The following MOB3B variants were observed in gnomAD, a reference collection of about 807,000 sequenced individuals.
The protein encoded by MOB3B is MOB kinase activator 3B, also known as MOB kinase activator-like 2B.
In MOB3B, 7 loss-of-function variants were observed where a neutral mutation model predicts 18.7. The ratio of observed to expected loss-of-function variants is 0.37; its 90% CI spans 0.21 to 0.70. The LOEUF is 0.70. Among genes scored for constraint, MOB3B ranks in the 30% least tolerant of loss-of-function variants. MOB3B has a pLI of 0.52. For synonymous variants in MOB3B, 111 were observed against 99.9 expected, an observed-to-expected ratio of 1.11 and a Z score of -0.66; for missense variants, 253 against 281.3, an observed-to-expected ratio of 0.90 and a Z score of 0.72.
chr9:27,388,680 A>G (rs1037324479), intron 2 of MOB3B, among the ~76,000 whole-genome samples: 1 of 151,922 alleles, frequency 6.6e-6, no homozygotes, highest in Non-Finnish European at 1.5e-5. Context: ...GTCTTCGGAG[A>G]TGATTCTTCA....
At chr9:27,416,090 T>A (rs1324727496) in intron 2 of MOB3B, among the ~76,000 whole-genome samples, 1 of 152,252 alleles carries the variant, frequency 6.6e-6, no homozygotes, top group Non-Finnish European at 1.5e-5. Context: ...TTGGGGTTAA[T>A]ACAATTTCCT....
intron 2 of MOB3B, among the ~76,000 whole-genome samples, chr9:27,365,458 C>T (rs913613503): frequency 6.9e-6 from 1 of 145,112 alleles, no homozygotes; most frequent in East Asian, 2.1e-4. Context: ...GCAGTCCTAA[C>T]TGAAATAGAT....
chr9:27,423,873 A>C (rs1822291797), intron 2 of MOB3B, among the ~76,000 whole-genome samples: 1 of 152,260 alleles, frequency 6.6e-6, no homozygotes, highest in African/African-American at 2.4e-5. Context: ...AACATATATT[A>C]ACTCATTTAA....
chr9:27,335,721 C>T (rs1028476878), intron 3 of MOB3B, among the ~76,000 whole-genome samples: 10 of 152,162 alleles, frequency 6.6e-5, no homozygotes, highest in Admixed American at 2.6e-4. Flanking sequence ...CACCCTTTAA[C>T]GCTCTTGACC....
At chr9:27,493,571 G>T (rs1390343811) in intron 1 of MOB3B, among the ~76,000 whole-genome samples, 1 of 152,044 alleles carries the variant, frequency 6.6e-6, no homozygotes, top group Non-Finnish European at 1.5e-5. Flanking sequence ...AACCTGGGAG[G>T]TGAAGGTTGC....
intron 2 of MOB3B, among the ~76,000 whole-genome samples, chr9:27,382,322 G>A (rs1257481343): frequency 6.6e-6 from 1 of 152,086 alleles, no homozygotes; most frequent in African/African-American, 2.4e-5. Context: ...ATATCAGATC[G>A]ATTCTCTTTC....
chr9:27,522,242 CAA>C (rs1171362204), intron 1 of MOB3B, among the ~76,000 whole-genome samples: 217 of 56,028 alleles, frequency 3.9e-3, no homozygotes, highest in African/African-American at 0.012. Flanking sequence ...CCCCGTCTCA[CAA>C]AAAAAAAAAA....
rs141372110 is a variant in MOB3B at position 27,359,054 on chromosome 9, G to A, written c.601C>T (p.Arg201Cys). The change falls in exon 3 of 4, where the codon CGC (arginine) becomes TGC (cysteine). Residue 201 changes from arginine (R) to cysteine (C), a missense_variant. Coordinates refer to ENST00000262244, the MANE Select transcript of MOB3B (RefSeq NM_024761.5). ...CTTACCAAAGGCTCTAGCTCCTTGCGGTCTATGAGGTTCATCTCTGTGACA... is the reference window on the plus strand; with the variant it reads ...CTTACCAAAGGCTCTAGCTCCTTGCAGTCTATGAGGTTCATCTCTGTGACA... ...YFVTEMNLID[R>C]KELEPLKEMT... The A allele has an allele frequency of 3.3e-5, 54 of 1,613,944 alleles. No homozygotes were observed. Among genetic ancestry groups the A allele is most frequent in the Non-Finnish European group, 4.1e-5 (48 of 1,180,024 alleles).
chr9:27,527,113 G>A (rs1323004065), intron 1 of MOB3B, among the ~76,000 whole-genome samples: 1 of 152,150 alleles, frequency 6.6e-6, no homozygotes, highest in Non-Finnish European at 1.5e-5. Flanking sequence ...TTTTTGGGAA[G>A]ATTTTTAATT....
In MOB3B at chr9:27,328,585, C is replaced by G. The variant is rs1820743364; in HGVS notation, c.*2002G>C. 1 of 152,188 alleles carries G rather than the reference C, an allele frequency of 6.6e-6. No individual in the cohort carries two copies. Among genetic ancestry groups the G allele is most frequent in the South Asian group, 2.1e-4 (1 of 4,820 alleles). The allele number at this position is 152,188 out of a possible 1,614,324, so 9.4% of individuals were successfully genotyped here. A position where few individuals can be genotyped will look rare whatever the true frequency, so the allele number is the denominator to read the frequency against. On this transcript the variant is annotated 3_prime_UTR_variant, in exon 4 of 4. Coordinates refer to ENST00000262244, the MANE Select transcript of MOB3B (RefSeq NM_024761.5). ...AATAACAAAGGTCTCCAGATTCCAG[C>G]CTCCTGCTCGATTATGCACTGCTGA...
chr9:27,435,017 A>T (rs923877425), intron 2 of MOB3B, among the ~76,000 whole-genome samples: 6 of 152,092 alleles, frequency 3.9e-5, no homozygotes, highest in Non-Finnish European at 7.4e-5. Flanking sequence ...AGAAATGTAC[A>T]TCTAAAGGAA....
chr9:27,366,180 T>C (rs1184020115), intron 2 of MOB3B, among the ~76,000 whole-genome samples: 1 of 152,150 alleles, frequency 6.6e-6, no homozygotes, highest in Non-Finnish European at 1.5e-5. Context: ...GGAACCCGCA[T>C]CTGACAGAGC....
Position 27,325,844 on chromosome 9 carries a change from A to G in MOB3B, c.*4743T>C, listed in dbSNP as rs927471040. ...GGTACTCATGGAGTATGGAAGGGAC[A>G]TAAGGTTTAGAGAACATAGGAAGCA... On this transcript the variant is annotated 3_prime_UTR_variant, in exon 4 of 4. Transcript: ENST00000262244. 6.6e-6 allele frequency: 1 copy of G among 152,218 alleles called. No homozygotes were observed. The highest frequency in any genetic ancestry group is 2.4e-5 in the African/African-American group (1 of 41,460). 9.4% of individuals were successfully genotyped at this position (152,218 alleles called of 1,614,324 possible). A position where few individuals can be genotyped will look rare whatever the true frequency, so the allele number is the denominator to read the frequency against.
intron 2 of MOB3B, among the ~76,000 whole-genome samples, chr9:27,395,126 C>T (rs1374182376): frequency 6.6e-6 from 1 of 152,106 alleles, no homozygotes; most frequent in African/African-American, 2.4e-5. Context: ...GTCATTAAGT[C>T]GGGATGTCTT....
chr9:27,347,316 T>C (rs16911428), intron 3 of MOB3B, among the ~76,000 whole-genome samples: 17,375 of 152,260 alleles, frequency 0.11, 2,615 homozygotes, highest in African/African-American at 0.35. Flanking sequence ...GCTATGCCTT[T>C]TTATTTTTAC....
At chr9:27,472,643 C>T (rs1812083506) in intron 1 of MOB3B, among the ~76,000 whole-genome samples, 1 of 133,802 alleles carries the variant, frequency 7.5e-6, no homozygotes. Flanking sequence ...CTGGTAAAAG[C>T]TCCCACTCTA....
At chr9:27,473,223 A>T (rs1456732768) in intron 1 of MOB3B, among the ~76,000 whole-genome samples, 1 of 152,254 alleles carries the variant, frequency 6.6e-6, no homozygotes, top group African/African-American at 2.4e-5. Context: ...AATGCAATCC[A>T]GAGAGCTGAG....
At chr9:27,331,687 A>T (rs1820792619) in intron 3 of MOB3B, among the ~76,000 whole-genome samples, 1 of 152,204 alleles carries the variant, frequency 6.6e-6, no homozygotes, top group South Asian at 2.1e-4. Context: ...GCCATTTAGC[A>T]TCTTGAGAAG....
intron 1 of MOB3B, among the ~76,000 whole-genome samples, chr9:27,499,897 T>C (rs1363214758): frequency 6.6e-6 from 1 of 152,132 alleles, no homozygotes; most frequent in South Asian, 2.1e-4. Context: ...AATTTTGCCA[T>C]TGTGTTATGT....
Sources: gnomAD v4.1 joint callset for allele counts (sites outside exome capture counted in the v4.1 genomes callset) on GRCh38, gnomAD v4.1.1 for gene constraint, MANE v1.5 for transcripts, NCBI Gene and HGNC (gene_info 2026-07-23, HGNC 2026-07-21) for gene names.